Variants in NF1 observed in about 807,000 individuals in gnomAD.
The protein encoded by NF1 is neurofibromin 1.
A neutral mutation model predicts 325.7 loss-of-function variants in NF1; 122 were observed. The observed-to-expected ratio is 0.37, with a 90% CI of 0.32 to 0.44. The LOEUF is 0.44. NF1 is among the 20% of genes least tolerant of loss of function. NF1 has a pLI of 1.00. For synonymous variants in NF1, 1,091 were observed against 1,186.0 expected (o/e 0.92, Z 1.65); for missense variants, 2,140 against 3,415.4 (o/e 0.63, Z 9.31).
intron 5 of NF1, among the ~76,000 whole-genome samples, chr17:31,177,592 A>G (rs553068836): frequency 3.3e-5 from 5 of 152,206 alleles, no homozygotes; most frequent in Non-Finnish European, 7.4e-5. Context: ...AGCATGTTCT[A>G]ACCCAATGCA....
At chr17:31,162,629 A>G (rs17882502) in intron 3 of NF1, among the ~76,000 whole-genome samples, 1 of 152,226 alleles carries the variant, frequency 6.6e-6, no homozygotes, top group African/African-American at 2.4e-5. Flanking sequence ...AAGTTACATT[A>G]GAGAAAATTC....
intron 5 of NF1, among the ~76,000 whole-genome samples, chr17:31,170,525 C>T (rs181722453): frequency 7.9e-5 from 12 of 152,226 alleles, no homozygotes; most frequent in East Asian, 7.7e-4. Context: ...CTTCCATTGC[C>T]GGTTTTGTCT....
At chr17:31,236,558 G>T (rs1221397960) in intron 29 of NF1, among the ~76,000 whole-genome samples, 1 of 151,948 alleles carries the variant, frequency 6.6e-6, no homozygotes, top group Non-Finnish European at 1.5e-5. Context: ...TCCTGCCTCA[G>T]CCTCCTGAGT....
At chr17:31,343,479 A>G (rs1395114255) in intron 48 of NF1, among the ~76,000 whole-genome samples, 4 of 152,200 alleles carry the variant, frequency 2.6e-5, no homozygotes, top group African/African-American at 4.8e-5. Context: ...TGGGAAGTCG[A>G]GGCTACAGTG....
At chr17:31,129,210 G>A (rs1380966091) in intron 1 of NF1, among the ~76,000 whole-genome samples, 2 of 152,082 alleles carry the variant, frequency 1.3e-5, no homozygotes, top group Non-Finnish European at 2.9e-5. Context: ...TCTCATGAAT[G>A]ATATCCTGAA....
At chr17:31,168,266 T>C (rs1274930405) in intron 4 of NF1, among the ~76,000 whole-genome samples, 1 of 152,168 alleles carries the variant, frequency 6.6e-6, no homozygotes, top group Non-Finnish European at 1.5e-5. Context: ...TTCAGTAATT[T>C]AAAGCAAACC....
At chr17:31,349,046 G>A (rs2151572191) in intron 48 of NF1, 74 bp from the exon 49 acceptor site, 1 of 1,524,638 alleles carries the variant, frequency 6.6e-7, no homozygotes, top group African/African-American at 1.4e-5. Flanking sequence ...AGTCAGGGAA[G>A]AAGACCTCAG....
chr17:31,338,725 G>C lies in NF1; in HGVS notation c.6841G>C (p.Gly2281Arg). 6.2e-7 allele frequency: 1 copy of C among 1,613,156 alleles called. No individual in the cohort carries two copies. Among genetic ancestry groups the C allele is most frequent in the Non-Finnish European group, 8.5e-7 (1 of 1,179,374 alleles). ...AAAGGCACTTGAGAGTTGCTTAAAA[G>C]GACCTGACACTTACAACAGTCAAGT... ...LSKALESCLK[G>R]PDTYNSQVLI... The change falls in exon 46 of 58, where the codon GGA becomes CGA. Residue 2281 changes from glycine to arginine, a missense_variant. Physicochemically the swap from Gly to Arg is moderately radical, Grantham distance 125. Around this residue, in one of 10 missense-constraint regions of NF1, gnomAD observed 522 missense variants for 749.0 expected, o/e 0.70. Transcript: ENST00000358273.
intron 1 of NF1, among the ~76,000 whole-genome samples, chr17:31,104,152 A>G (rs544490239): frequency 1.3e-5 from 2 of 152,246 alleles, no homozygotes; most frequent in Admixed American, 1.3e-4. Context: ...AGAATGCCTT[A>G]TTTTTTACAT....
At chr17:31,266,892 A>G (rs1176541801) in intron 36 of NF1, among the ~76,000 whole-genome samples, 9 of 152,018 alleles carry the variant, frequency 5.9e-5, no homozygotes, top group Non-Finnish European at 1.0e-4. Context: ...TGGCCTGAGA[A>G]TGCTAAGAAT....
rs576107476 is a variant in NF1 at position 31,349,339 on chromosome 17, C to T, written c.7321+88C>T. 301 of 1,382,418 alleles carry T rather than the reference C, an allele frequency of 2.2e-4. 1 individual carries two copies. The African/African-American group carries it at 3.1e-3, about 14-fold the overall frequency. 85.6% of individuals were successfully genotyped at this position (1,382,418 alleles called of 1,614,324 possible). On this transcript the variant is annotated intron_variant, in intron 49 of 57. Transcript: ENST00000358273. ...GTACAAATACCTATAGGTTTTTTGG[C>T]GGTTGCGTGGCAGAGCAGAAAGTTC...
intron 1 of NF1, among the ~76,000 whole-genome samples, chr17:31,122,745 T>G (rs1027663921): frequency 6.6e-6 from 1 of 152,234 alleles, no homozygotes; most frequent in African/African-American, 2.4e-5. Context: ...GGTGAATTTT[T>G]TATTTTCCTG....
chr17:31,331,880 T>A (rs1054405119), intron 39 of NF1: 1 of 112,258 alleles, frequency 8.9e-6, no homozygotes, highest in Non-Finnish European at 1.6e-5. Flanking sequence ...CCAGCCTGGA[T>A]GATAGAGTGA....
At position 31,156,987 on chromosome 17, in the gene NF1, AAATG is replaced by A. The variant is rs202015133; in HGVS notation, c.204+879_204+882del. On this transcript the variant is annotated intron_variant, in intron 2 of 57. Transcript: ENST00000358273. ...TTTATTTATTTATTTATGAATGAAT[AAATG>A]AATGAATGAATGAATGACAGGGTCT... Among the ~76,000 whole-genome samples, 1,354 of 152,206 alleles carry A rather than the reference AAATG, an allele frequency of 8.9e-3. 19 individuals are homozygous for A. The highest frequency in any genetic ancestry group is 0.031 in the African/African-American group (1,296 of 41,512).
At chr17:31,237,257 A>G (rs2067219116) in intron 29 of NF1, among the ~76,000 whole-genome samples, 1 of 152,152 alleles carries the variant, frequency 6.6e-6, no homozygotes, top group Non-Finnish European at 1.5e-5. Flanking sequence ...AAAACTTAAA[A>G]GCAATTTTTA....
chr17:31,318,898 C>T, intron 36 of NF1: 2 of 1,614,050 alleles, frequency 1.2e-6, no homozygotes, highest in East Asian at 2.2e-5. Flanking sequence ...GGAAGAAGTA[C>T]TGTTAGCCCA....
chr17:31,207,200 G>A (rs1257261297), intron 12 of NF1, among the ~76,000 whole-genome samples: 1 of 152,126 alleles, frequency 6.6e-6, no homozygotes, highest in Non-Finnish European at 1.5e-5. Context: ...GTGGCTGTAA[G>A]TATGACCCAT....
intron 36 of NF1, among the ~76,000 whole-genome samples, chr17:31,276,295 T>TATC (rs1374398960): frequency 6.6e-6 from 1 of 151,642 alleles, no homozygotes; most frequent in Non-Finnish European, 1.5e-5. Flanking sequence ...GGAGGGCTGG[T>TATC]ATCATTAATG....
intron 25 of NF1, 46 bp downstream of exon 25, chr17:31,232,235 C>A: frequency 1.8e-6 from 2 of 1,131,422 alleles, no homozygotes; most frequent in Non-Finnish European, 1.3e-6. Context: ...GCAAATAAAG[C>A]CCCCCACCAC....
Sources: allele counts gnomAD v4.1 joint callset (sites outside exome capture counted in the v4.1 genomes callset), GRCh38; gene constraint gnomAD v4.1.1; regional missense constraint gnomAD v4.1.1; transcripts MANE v1.5; gene names NCBI Gene and HGNC (gene_info 2026-07-23, HGNC 2026-07-21).